WDTC1: variants seen among roughly 807,000 people sequenced by gnomAD.
WDTC1 encodes the protein WD and tetratricopeptide repeats 1, also known as WD and tetratricopeptide repeats protein 1.
A neutral mutation model predicts 76.0 loss-of-function variants in WDTC1; 12 were observed. The ratio of observed to expected loss-of-function variants is 0.16; its 90% confidence interval spans 0.10 to 0.26. The LOEUF (loss-of-function observed/expected upper bound fraction) is 0.26, where lower values mean the gene tolerates loss of function less well. Among genes scored for constraint, WDTC1 ranks in the 10% least tolerant of loss-of-function variants. The pLI, the probability that WDTC1 is intolerant of heterozygous loss-of-function variation, is 1.00. For synonymous variants in WDTC1, 326 were observed against 350.8 expected (o/e 0.93, Z 0.79); for missense variants, 511 against 908.8 (o/e 0.56, Z 5.63).
At chr1:27,237,861 C>A (rs941031955) in intron 1 of WDTC1, among the ~76,000 whole-genome samples, 199 of 126,144 alleles carry the variant, frequency 1.6e-3, no homozygotes, top group Non-Finnish European at 1.9e-3. Context: ...AACTCCATCT[C>A]AAAAAAAAAA....
intron 6 of WDTC1, 126 bp from the exon 7 acceptor site, chr1:27,292,089 C>A: frequency 9.8e-7 from 1 of 1,025,402 alleles, no homozygotes; most frequent in Non-Finnish European, 1.4e-6. Flanking sequence ...TTGTTTTTGA[C>A]ATTCTTATTT....
At chr1:27,273,840 T>TGC (rs2012945234) in intron 3 of WDTC1, among the ~76,000 whole-genome samples, 1 of 151,734 alleles carries the variant, frequency 6.6e-6, no homozygotes, top group Admixed American at 6.6e-5. Context: ...TGTGTGTGTG[T>TGC]GCGTGTGTAG....
chr1:27,291,908 A>G (rs1263229740), intron 6 of WDTC1, among the ~76,000 whole-genome samples: 1 of 152,162 alleles, frequency 6.6e-6, no homozygotes, highest in African/African-American at 2.4e-5. Flanking sequence ...ACTGGACATA[A>G]AGCACATTTT....
intron 12 of WDTC1, among the ~76,000 whole-genome samples, chr1:27,300,703 G>C (rs1031623887): frequency 7.3e-5 from 11 of 151,654 alleles, no homozygotes; most frequent in Admixed American, 4.6e-4. Flanking sequence ...AGCCAGGACA[G>C]GGGGGGGTCT....
At position 27,294,626 on chromosome 1, in the gene WDTC1, A is replaced by T. The variant is rs373239739; in HGVS notation, c.870A>T (p.Glu290Asp). The change falls in exon 9 of 16, where the codon GAA (glutamate) becomes GAT (aspartate). Residue 290 changes from glutamate (E) to aspartate (D), a missense_variant. Glu to Asp is a conservative substitution (Grantham distance 45). Transcript: ENST00000319394. ...AGCTACTAGTCAACATGGGGGGGGAACAGGTATGTACAGCATAAGGTGGTT... is the reference window on the plus strand; with the variant it reads ...AGCTACTAGTCAACATGGGGGGGGATCAGGTATGTACAGCATAAGGTGGTT... ...GTELLVNMGG[E>D]QVYLFDLTYK... The T allele has an allele frequency of 1.9e-6, 3 of 1,613,396 alleles. No homozygotes were observed. Among genetic ancestry groups the T allele is most frequent in the Non-Finnish European group, 2.5e-6 (3 of 1,179,452 alleles).
At chr1:27,236,607 G>A (rs2011495020) in intron 1 of WDTC1, among the ~76,000 whole-genome samples, 2 of 152,152 alleles carry the variant, frequency 1.3e-5, no homozygotes, top group South Asian at 2.1e-4. Context: ...CTATTTACCA[G>A]TTTCATACAA....
chr1:27,253,876 T>C (rs765304565), intron 1 of WDTC1, among the ~76,000 whole-genome samples: 4 of 152,188 alleles, frequency 2.6e-5, no homozygotes, highest in Non-Finnish European at 5.9e-5. Context: ...TCATGTCATT[T>C]TATATCTGAG....
chr1:27,281,232 C>T lies in WDTC1; in HGVS notation c.133-1007C>T, dbSNP rs1344126765. ...ATCCTAGCACTTTGGGAGGCCGAGG[C>T]GGGCGGATCATGAGGTCGAGACCAT... On this transcript the variant is annotated intron_variant, in intron 3 of 15. Coordinates refer to ENST00000319394, the MANE Select transcript of WDTC1 (RefSeq NM_001276252.2). Among the ~76,000 whole-genome samples, 5 of 151,824 alleles carry T rather than the reference C, an allele frequency of 3.3e-5. No homozygotes were observed. The East Asian group carries it at 5.8e-4, about 18-fold the overall frequency.
chr1:27,265,285 G>A (rs751035032), intron 3 of WDTC1, among the ~76,000 whole-genome samples: 2 of 152,068 alleles, frequency 1.3e-5, no homozygotes, highest in Non-Finnish European at 2.9e-5. Context: ...GAATACAAAA[G>A]CAGATGAGAA....
chr1:27,244,501 C>T (rs892675043), intron 1 of WDTC1, among the ~76,000 whole-genome samples: 1 of 152,154 alleles, frequency 6.6e-6, no homozygotes, highest in African/African-American at 2.4e-5. Context: ...GCCACCATGC[C>T]TGGCTAATTT....
chr1:27,235,084 T>G, intron 1 of WDTC1, 133 bp downstream of exon 1: 1 of 292,530 alleles, frequency 3.4e-6, no homozygotes, highest in Non-Finnish European at 6.3e-6. Context: ...CCTACCCGCC[T>G]CGGGGCCCCG....
rs1340223870 is a variant in WDTC1 at position 27,297,091 on chromosome 1, T to C, written c.993T>C (p.Gly331=). ...GKMSTNGVSN[G]VSNGLHLHSN... ...TGTCCACCAACGGTGTGTCCAACGG[T>C]GTGTCCAATGGCCTGCACCTTCATA... The change falls in exon 11 of 16, where the codon GGT becomes GGC. Residue 331 remains glycine, a synonymous_variant. Transcript: ENST00000319394. The C allele has an allele frequency of 1.9e-6, 3 of 1,613,926 alleles. No individual in the cohort carries two copies. In the African/African-American group the frequency reaches 4.0e-5, roughly 22 times the overall value.
chr1:27,303,970 C>T lies in WDTC1; in HGVS notation c.1643+175C>T, dbSNP rs979166027. The T allele has an allele frequency of 5.1e-6, 4 of 789,142 alleles. No homozygotes were observed. The African/African-American group carries it at 7.2e-5, about 14-fold the overall frequency. The allele number at this position is 789,142 out of a possible 1,614,324, so 48.9% of individuals were successfully genotyped here. Reference sequence around the variant, plus strand: ...AAAGTTTTTTAATCTATGAAATGACCAACCTGCCATGCCCATTTATGAGGC... The same window carrying T: ...AAAGTTTTTTAATCTATGAAATGACTAACCTGCCATGCCCATTTATGAGGC... On this transcript the variant is annotated intron_variant, in intron 14 of 15. Coordinates refer to ENST00000319394, the MANE Select transcript of WDTC1 (RefSeq NM_001276252.2). The surrounding 1 kb of genome is among the most constrained non-coding windows in gnomAD (Gnocchi z 4.8).
intron 1 of WDTC1, among the ~76,000 whole-genome samples, chr1:27,245,640 G>T (rs913861847): frequency 4.0e-5 from 6 of 151,204 alleles, no homozygotes; most frequent in African/African-American, 1.5e-4. Context: ...CGCAATCTCG[G>T]CTCACTGCAA....
chr1:27,263,709 G>A (rs114350661), intron 3 of WDTC1, among the ~76,000 whole-genome samples: 4 of 152,146 alleles, frequency 2.6e-5, no homozygotes, highest in South Asian at 2.1e-4. Context: ...GATTACAGGC[G>A]TGAGCCACCG....
intron 3 of WDTC1, among the ~76,000 whole-genome samples, chr1:27,271,724 G>A (rs1332590810): frequency 1.3e-5 from 2 of 151,154 alleles, no homozygotes; most frequent in African/African-American, 4.9e-5. Flanking sequence ...CACAGCCTCC[G>A]CCTCCTGGGT....
intron 9 of WDTC1, among the ~76,000 whole-genome samples, chr1:27,295,000 C>A (rs761752940): frequency 3.3e-5 from 5 of 152,154 alleles, no homozygotes; most frequent in Non-Finnish European, 7.3e-5. Flanking sequence ...CTGCTATTTT[C>A]CTAGGAGGAA....
At chr1:27,242,257 G>T (rs192911886) in intron 1 of WDTC1, among the ~76,000 whole-genome samples, 1 of 151,864 alleles carries the variant, frequency 6.6e-6, no homozygotes, top group Non-Finnish European at 1.5e-5. Context: ...TTGAGGCCTG[G>T]ACTTCAAGAA....
chr1:27,251,637 A>T, intron 1 of WDTC1, among the ~76,000 whole-genome samples: 1 of 152,114 alleles, frequency 6.6e-6, no homozygotes, highest in East Asian at 1.9e-4. Flanking sequence ...CAACCTGGGC[A>T]ACATAGCAAG....
Sources: allele counts gnomAD v4.1 joint callset (sites outside exome capture counted in the v4.1 genomes callset), GRCh38; gene constraint gnomAD v4.1.1; non-coding constraint Gnocchi (gnomAD v3.1); transcripts MANE v1.5; gene names NCBI Gene and HGNC (gene_info 2026-07-23, HGNC 2026-07-21).